Variants in RNLS observed in about 807,000 individuals in gnomAD.
The protein encoded by RNLS is renalase, FAD dependent amine oxidase.
Under a neutral mutation model 39.8 loss-of-function variants are expected in RNLS, and 39 were observed. The observed-to-expected ratio is 0.98, with a 90% CI of 0.76 to 1.28. The LOEUF (loss-of-function observed/expected upper bound fraction) is 1.28. Among genes scored for constraint, RNLS ranks in the 50% most tolerant of loss-of-function variants. The pLI is 0.00. For missense variants in RNLS, 410 were observed against 413.3 expected (o/e 0.99, Z 0.07); for synonymous variants, 147 against 150.7 (o/e 0.98, Z 0.18).
intron 5 of RNLS, among the ~76,000 whole-genome samples, chr10:88,321,530 A>T (rs1846181874): frequency 6.6e-6 from 1 of 152,210 alleles, no homozygotes; most frequent in Non-Finnish European, 1.5e-5. Flanking sequence ...CTCTGAAAGG[A>T]TGAACAACAT....
chr10:88,402,690 G>C (rs1853006960), intron 4 of RNLS, among the ~76,000 whole-genome samples: 1 of 151,862 alleles, frequency 6.6e-6, no homozygotes, highest in South Asian at 2.1e-4. Context: ...GTAAAAAGAT[G>C]ACATTCTATT....
At position 88,572,970 on chromosome 10, in the gene RNLS, C is replaced by G; in HGVS notation, c.459G>C (p.Gln153His). The change falls in exon 4 of 7, where the codon CAG (glutamine) becomes CAC (histidine). Residue 153 changes from glutamine (Q) to histidine (H), a missense_variant. Gln to His is a conservative substitution (Grantham distance 24, BLOSUM62 0). Coordinates refer to ENST00000331772, the MANE Select transcript of RNLS (RefSeq NM_001031709.3). ...EVSKQTGSPE[Q>H]FDLIVLTMPV... ...GCATTGTGAGAACAATAAGATCAAA[C>G]TGCTCAGGGGAGCCTGTTTGTTTGG... is the stretch of plus-strand genomic sequence containing the variant. The G allele has an allele frequency of 6.2e-7, 1 of 1,614,054 alleles. No individual in the cohort carries two copies. The highest frequency in any genetic ancestry group is 8.5e-7 in the Non-Finnish European group (1 of 1,179,940).
At chr10:88,218,401 C>T in the RNLS span, among the ~76,000 whole-genome samples, 7 of 152,202 alleles carry the variant, frequency 4.6e-5, no homozygotes, top group African/African-American at 9.6e-5. Flanking sequence ...GGCGGGCTGC[C>T]GGGGATGTGG....
rs574657930 is a variant in RNLS, at chr10:88,402,132, T to G, written c.527-39407A>C. On this transcript the variant is annotated intron_variant, in intron 4 of 6. Coordinates refer to ENST00000331772, the MANE Select transcript of RNLS (RefSeq NM_001031709.3). ...TATCATGCCTTTCAAAAGAGGGAGC[T>G]CTAGAGTTCTGAATCAAAAAAATTT... Among the ~76,000 whole-genome samples, 108 of 152,072 alleles carry G rather than the reference T, an allele frequency of 7.1e-4. 1 individual carries two copies. Among genetic ancestry groups the G allele is most frequent in the South Asian group, 6.0e-3 (29 of 4,812 alleles).
At chr10:88,436,917 G>A (rs1037421095) in intron 4 of RNLS, among the ~76,000 whole-genome samples, 17 of 152,066 alleles carry the variant, frequency 1.1e-4, no homozygotes, top group Admixed American at 7.9e-4. Context: ...ACAAGCTTGC[G>A]CTTTGTAATT....
chr10:88,297,892 C>A (rs971521500), intron 6 of RNLS, among the ~76,000 whole-genome samples: 1 of 152,138 alleles, frequency 6.6e-6, no homozygotes, highest in African/African-American at 2.4e-5. Context: ...CTATGCTTAA[C>A]TTGAGGAACC....
intron 4 of RNLS, among the ~76,000 whole-genome samples, chr10:88,551,701 G>C (rs1305017911): frequency 6.6e-6 from 1 of 151,628 alleles, no homozygotes; most frequent in Non-Finnish European, 1.5e-5. Context: ...AAAAGAAGAA[G>C]AACACAAGCT....
intron 4 of RNLS, among the ~76,000 whole-genome samples, chr10:88,468,968 A>G (rs377575035): frequency 6.6e-6 from 1 of 152,204 alleles, no homozygotes; most frequent in African/African-American, 2.4e-5. Context: ...TGGCATATAT[A>G]CAGTTCTAAA....
intron 4 of RNLS, among the ~76,000 whole-genome samples, chr10:88,488,161 C>T (rs1844652815): frequency 6.6e-6 from 1 of 152,056 alleles, no homozygotes; most frequent in Non-Finnish European, 1.5e-5. Flanking sequence ...TAAGTGGTTT[C>T]ATGAGTGTAT....
intron 4 of RNLS, among the ~76,000 whole-genome samples, chr10:88,387,955 G>A (rs1341427006): frequency 6.6e-6 from 1 of 152,188 alleles, no homozygotes. Flanking sequence ...TATTTGGAAG[G>A]GGAGATGGTT....
chr10:88,582,976 G>C, intron 1 of RNLS, 97 bp downstream of exon 1: 1 of 1,395,794 alleles, frequency 7.2e-7, no homozygotes, highest in Non-Finnish European at 9.7e-7. Flanking sequence ...AGGGTATAGC[G>C]TTTTCGCCTT....
chr10:88,209,192 A>C, the RNLS span, among the ~76,000 whole-genome samples: 1 of 152,114 alleles, frequency 6.6e-6, no homozygotes, highest in Admixed American at 6.6e-5. Context: ...GATTTTGGGG[A>C]CTGTTCTGGG....
At chr10:88,176,710 G>GT in the RNLS span, among the ~76,000 whole-genome samples, 23 of 151,448 alleles carry the variant, frequency 1.5e-4, no homozygotes, top group East Asian at 1.2e-3. Context: ...ACTTTTGTGT[G>GT]TTTTTTTTCT....
chr10:88,272,329 TTC>T (rs1389162494), downstream of RNLS, among the ~76,000 whole-genome samples: 3 of 151,786 alleles, frequency 2.0e-5, no homozygotes, highest in African/African-American at 7.2e-5. Flanking sequence ...CTGTTCTTTT[TTC>T]TGTTATTTTA....
intron 4 of RNLS, among the ~76,000 whole-genome samples, chr10:88,532,931 C>T (rs1430695979): frequency 6.6e-6 from 1 of 152,096 alleles, no homozygotes; most frequent in South Asian, 2.1e-4. Flanking sequence ...TAAGAAGGTG[C>T]TCTAGGTAAA....
chr10:88,515,752 A>G (rs1210551824), intron 4 of RNLS, among the ~76,000 whole-genome samples: 2 of 152,122 alleles, frequency 1.3e-5, no homozygotes, highest in Non-Finnish European at 1.5e-5. Context: ...GAAAAAAGTA[A>G]GGAAATAAGA....
intron 4 of RNLS, among the ~76,000 whole-genome samples, chr10:88,567,182 C>A (rs900346530): frequency 6.6e-6 from 1 of 151,568 alleles, no homozygotes; most frequent in Non-Finnish European, 1.5e-5. Flanking sequence ...ACAAAAAAAC[C>A]CAGGAAAGAC....
the RNLS span, among the ~76,000 whole-genome samples, chr10:88,190,423 G>C: frequency 2.6e-5 from 4 of 152,180 alleles, no homozygotes; most frequent in Non-Finnish European, 5.9e-5. Context: ...TACAGGACAT[G>C]GCACATAAAG....
intron 4 of RNLS, among the ~76,000 whole-genome samples, chr10:88,517,089 T>C (rs1038613814): frequency 2.6e-5 from 4 of 151,934 alleles, no homozygotes; most frequent in Admixed American, 2.0e-4. Context: ...GACTATAAAA[T>C]CACCCAGCTA....
Sources: allele counts gnomAD v4.1 joint callset (sites outside exome capture counted in the v4.1 genomes callset), GRCh38; gene constraint gnomAD v4.1.1; transcripts MANE v1.5; gene names NCBI Gene and HGNC (gene_info 2026-07-23, HGNC 2026-07-21).